Variants in HS3ST4 observed in about 807,000 individuals in gnomAD.
The protein encoded by HS3ST4 is heparan sulfate glucosamine 3-O-sulfotransferase 4.
HS3ST4 carries 17 observed loss-of-function variants against 29.2 expected under a neutral mutation model. The observed-to-expected ratio is 0.58, with a 90% confidence interval of 0.40 to 0.87. The LOEUF (loss-of-function observed/expected upper bound fraction) is 0.87. Among genes scored for constraint, HS3ST4 ranks in the 40% least tolerant of loss-of-function variants. The probability of loss-of-function intolerance (pLI) is 0.00; values close to 1 mark genes in which losing one functional copy is unlikely to be tolerated. For missense variants in HS3ST4, 627 were observed against 634.5 expected (o/e 0.99, Z 0.13); for synonymous variants, 314 against 285.7 (o/e 1.10, Z -1.00).
At chr16:26,105,334 G>A (rs1899038727) in intron 1 of HS3ST4, among the ~76,000 whole-genome samples, 2 of 152,078 alleles carry the variant, frequency 1.3e-5, no homozygotes, top group South Asian at 4.1e-4. Context: ...GATAGACACT[G>A]GTGAATACAA....
intron 1 of HS3ST4, among the ~76,000 whole-genome samples, chr16:25,900,084 A>G (rs1396199121): frequency 2.6e-5 from 4 of 152,222 alleles, no homozygotes. Context: ...TTCTTAACAG[A>G]TAGTTTAACT....
At chr16:25,900,815 A>G (rs1027421286) in intron 1 of HS3ST4, among the ~76,000 whole-genome samples, 4 of 152,084 alleles carry the variant, frequency 2.6e-5, no homozygotes, top group Non-Finnish European at 5.9e-5. Flanking sequence ...CTCAGGGAGA[A>G]CTAGGGATTT....
At chr16:25,743,275 T>G (rs898866707) in intron 1 of HS3ST4, among the ~76,000 whole-genome samples, 7 of 152,212 alleles carry the variant, frequency 4.6e-5, no homozygotes, top group Non-Finnish European at 1.0e-4. Context: ...AACCTTTCCT[T>G]CTCAGTTTGC....
At chr16:25,748,964 G>A (rs1252334460) in intron 1 of HS3ST4, among the ~76,000 whole-genome samples, 2 of 152,172 alleles carry the variant, frequency 1.3e-5, no homozygotes, top group East Asian at 1.9e-4. Flanking sequence ...TTTTCTGATA[G>A]CCAGGGGATT....
chr16:25,988,066 GC>G, intron 1 of HS3ST4, among the ~76,000 whole-genome samples: 1 of 152,192 alleles, frequency 6.6e-6, no homozygotes, highest in East Asian at 1.9e-4. Flanking sequence ...ACCGCTCCTG[GC>G]CAAGATTGAA....
chr16:25,954,081 G>T (rs1968705227), intron 1 of HS3ST4, among the ~76,000 whole-genome samples: 2 of 152,182 alleles, frequency 1.3e-5, no homozygotes. Context: ...AGGAGAACTG[G>T]CAGCAATTGC....
intron 1 of HS3ST4, among the ~76,000 whole-genome samples, chr16:25,916,393 G>A (rs965545929): frequency 1.3e-5 from 2 of 151,652 alleles, no homozygotes; most frequent in Non-Finnish European, 2.9e-5. Context: ...ACAGAGTTTC[G>A]CTCTTGTTTC....
At chr16:25,846,693 A>G (rs1453084725) in intron 1 of HS3ST4, among the ~76,000 whole-genome samples, 1 of 152,098 alleles carries the variant, frequency 6.6e-6, no homozygotes, top group East Asian at 1.9e-4. Context: ...ACAGAAAATT[A>G]AAAAAATTTT....
Position 25,710,808 on chromosome 16 carries a change from CTTTT to C in HS3ST4, c.734+17679_734+17682del, listed in dbSNP as rs34759495. Among the ~76,000 whole-genome samples the C allele has an allele frequency of 1.0e-4, 5 of 48,548 alleles. 1 individual carries two copies. In the South Asian group the frequency reaches 4.2e-3, roughly 41 times the overall value. The allele number at this position is 48,548 out of a possible 152,430, so 31.8% of individuals were successfully genotyped here. Reference sequence around the variant, plus strand: ...AGCAGTTGTGCTTTTGCATATTATCCTTTTTTTTTTTTTTTTTTTTTTTTTAATG... The same window carrying C: ...AGCAGTTGTGCTTTTGCATATTATCCTTTTTTTTTTTTTTTTTTTTTAATG... On this transcript the variant is annotated intron_variant, in intron 1 of 1. Coordinates refer to ENST00000331351, the MANE Select transcript of HS3ST4 (RefSeq NM_006040.3).
chr16:25,948,114 A>G (rs989593941), intron 1 of HS3ST4, among the ~76,000 whole-genome samples: 2 of 152,202 alleles, frequency 1.3e-5, no homozygotes, highest in African/African-American at 4.8e-5. Flanking sequence ...TACGTACACC[A>G]TATAATACAG....
chr16:26,095,142 C>G (rs979234391), intron 1 of HS3ST4, among the ~76,000 whole-genome samples: 51 of 152,270 alleles, frequency 3.3e-4, no homozygotes, highest in South Asian at 8.3e-4. Flanking sequence ...TACAAAGATA[C>G]TTAGACTCCC....
intron 1 of HS3ST4, among the ~76,000 whole-genome samples, chr16:25,822,652 T>C (rs888762885): frequency 1.3e-5 from 2 of 152,128 alleles, no homozygotes; most frequent in Non-Finnish European, 1.5e-5. Context: ...TCCCTGATAG[T>C]GTGCTTTTTT....
intron 1 of HS3ST4, among the ~76,000 whole-genome samples, chr16:26,121,233 C>T (rs1194639932): frequency 1.3e-5 from 2 of 152,084 alleles, no homozygotes; most frequent in African/African-American, 4.8e-5. Flanking sequence ...GGATGTTCAT[C>T]CAAGTAGGTA....
intron 1 of HS3ST4, among the ~76,000 whole-genome samples, chr16:25,967,635 C>T (rs1425089498): frequency 6.6e-6 from 1 of 152,178 alleles, no homozygotes. Flanking sequence ...AGACCATTTC[C>T]TATTCAAATC....
intron 1 of HS3ST4, among the ~76,000 whole-genome samples, chr16:25,712,354 T>G (rs1966421188): frequency 1.3e-5 from 2 of 152,038 alleles, no homozygotes; most frequent in Admixed American, 1.3e-4. Context: ...AAACTCCATC[T>G]CTACTAAAAA....
intron 1 of HS3ST4, among the ~76,000 whole-genome samples, chr16:25,915,385 T>C (rs1285385761): frequency 6.6e-6 from 1 of 152,226 alleles, no homozygotes; most frequent in Non-Finnish European, 1.5e-5. Context: ...TTAAAACTAA[T>C]AAAATTATTT....
chr16:25,923,594 G>A lies in HS3ST4; in HGVS notation c.735-212018G>A, dbSNP rs528715010. ...ATACTGTATTTACCTGCAACTTCTG[G>A]CTCTACATTTTTCCTCCAAATTAAA... is the stretch of plus-strand genomic sequence containing the variant. On this transcript the variant is annotated intron_variant, in intron 1 of 1. Coordinates refer to ENST00000331351, the MANE Select transcript of HS3ST4 (RefSeq NM_006040.3). Among the ~76,000 whole-genome samples, 25 of 152,150 alleles carry A rather than the reference G, an allele frequency of 1.6e-4. No individual in the cohort carries two copies. The South Asian group carries it at 2.9e-3, about 18-fold the overall frequency.
intron 1 of HS3ST4, among the ~76,000 whole-genome samples, chr16:25,918,549 G>T (rs1016075032): frequency 6.6e-6 from 1 of 152,216 alleles, no homozygotes; most frequent in African/African-American, 2.4e-5. Flanking sequence ...CTGGCGTGAG[G>T]CCAATGGACT....
At chr16:25,739,601 G>T (rs1394341682) in intron 1 of HS3ST4, among the ~76,000 whole-genome samples, 2 of 152,176 alleles carry the variant, frequency 1.3e-5, no homozygotes, top group Non-Finnish European at 2.9e-5. Context: ...TCATTTTTCT[G>T]AGGAGCGATG....
Sources: gnomAD v4.1 joint callset for allele counts (sites outside exome capture counted in the v4.1 genomes callset) on GRCh38, gnomAD v4.1.1 for gene constraint, MANE v1.5 for transcripts, NCBI Gene and HGNC (gene_info 2026-07-23, HGNC 2026-07-21) for gene names.